Variants in PARD3B observed in about 807,000 individuals in gnomAD.
The protein encoded by PARD3B is partitioning defective 3 homolog B.
Under a neutral mutation model 130.2 loss-of-function variants are expected in PARD3B, and 103 were observed. The observed-to-expected ratio is 0.79, with a 90% CI of 0.67 to 0.93. The LOEUF (loss-of-function observed/expected upper bound fraction) is 0.93. Among genes scored for constraint, PARD3B ranks in the 40% least tolerant of loss-of-function variants. PARD3B has a pLI of 0.00. For missense variants in PARD3B, 1,609 were observed against 1,499.2 expected (o/e 1.07, Z -1.21); for synonymous variants, 583 against 553.2 (o/e 1.05, Z -0.76).
At chr2:204,960,379 A>T (rs1379848822) in intron 2 of PARD3B, among the ~76,000 whole-genome samples, 1 of 152,152 alleles carries the variant, frequency 6.6e-6, no homozygotes, top group Non-Finnish European at 1.5e-5. Context: ...GAAAGAGAAG[A>T]TAGATAATCT....
At chr2:205,355,543 C>CT (rs11400896) in intron 18 of PARD3B, among the ~76,000 whole-genome samples, 90,380 of 151,518 alleles carry the variant, frequency 0.6, 30,426 homozygotes, top group South Asian at 0.77. Flanking sequence ...TTCTGACTCT[C>CT]GCATGTTGCT....
chr2:205,168,035 G>A (rs938231400), intron 11 of PARD3B, among the ~76,000 whole-genome samples: 1 of 152,188 alleles, frequency 6.6e-6, no homozygotes, highest in African/African-American at 2.4e-5. Context: ...ACCATGCCAG[G>A]ACATGGAGAA....
intron 4 of PARD3B, among the ~76,000 whole-genome samples, chr2:205,094,833 T>C: frequency 6.6e-6 from 1 of 152,212 alleles, no homozygotes. Context: ...GAGCCAAATT[T>C]GATTGAGATG....
intron 4 of PARD3B, among the ~76,000 whole-genome samples, chr2:205,081,877 C>T (rs1701432523): frequency 1.3e-5 from 2 of 152,142 alleles, no homozygotes; most frequent in South Asian, 4.1e-4. Flanking sequence ...GCCTAGGTTT[C>T]ATGGTAATGC....
intron 1 of PARD3B, among the ~76,000 whole-genome samples, chr2:204,580,306 A>G (rs1187903101): frequency 5.3e-5 from 8 of 151,856 alleles, no homozygotes. Flanking sequence ...CTTTGCATCC[A>G]TGTTTTTTTT....
intron 2 of PARD3B, among the ~76,000 whole-genome samples, chr2:204,782,826 G>GTTTTAA (rs2041885935): frequency 6.6e-6 from 1 of 151,950 alleles, no homozygotes; most frequent in African/African-American, 2.4e-5. Flanking sequence ...CTAATGCAGT[G>GTTTTAA]TTTTAATTTT....
chr2:204,918,013 C>T (rs939117874), intron 2 of PARD3B, among the ~76,000 whole-genome samples: 3 of 152,068 alleles, frequency 2.0e-5, no homozygotes, highest in Non-Finnish European at 4.4e-5. Context: ...TTAAAGTTTA[C>T]AAAATTAAGA....
At chr2:204,553,799 A>C (rs2125046362) in intron 1 of PARD3B, among the ~76,000 whole-genome samples, 1 of 150,630 alleles carries the variant, frequency 6.6e-6, no homozygotes, top group African/African-American at 2.4e-5. Context: ...ACGGCAAGTG[A>C]AGTAACTCAG....
At chr2:204,557,339 A>G (rs2030994318) in intron 1 of PARD3B, among the ~76,000 whole-genome samples, 1 of 152,134 alleles carries the variant, frequency 6.6e-6, no homozygotes, top group African/African-American at 2.4e-5. Flanking sequence ...ACATGGCACC[A>G]TCATTCACTT....
intron 16 of PARD3B, chr2:205,293,741 T>C (rs1184915097): frequency 1.3e-5 from 2 of 152,212 alleles, no homozygotes; most frequent in African/African-American, 2.4e-5. Context: ...AGTGAAGCAA[T>C]TGTGGACTGT....
intron 2 of PARD3B, among the ~76,000 whole-genome samples, chr2:204,754,620 A>G (rs2040592262): frequency 6.6e-6 from 1 of 152,216 alleles, no homozygotes; most frequent in Non-Finnish European, 1.5e-5. Context: ...CACAGAAAAT[A>G]TTTAATGTTT....
At chr2:204,932,628 A>G (rs1288327382) in intron 2 of PARD3B, among the ~76,000 whole-genome samples, 1 of 152,216 alleles carries the variant, frequency 6.6e-6, no homozygotes, top group Non-Finnish European at 1.5e-5. Flanking sequence ...TTTGTCAAGA[A>G]AGAATGTGTT....
intron 15 of PARD3B, among the ~76,000 whole-genome samples, chr2:205,216,565 C>T (rs1473902034): frequency 1.3e-5 from 2 of 151,856 alleles, no homozygotes; most frequent in African/African-American, 4.8e-5. Flanking sequence ...AAGCAGAAGC[C>T]TGTTCATGGT....
chr2:204,729,328 T>A (rs1046648482), intron 2 of PARD3B, among the ~76,000 whole-genome samples: 18 of 152,140 alleles, frequency 1.2e-4, no homozygotes, highest in African/African-American at 4.3e-4. Context: ...ATAAAGACTT[T>A]AAGAGATTTT....
chr2:204,798,573 C>G (rs77973080), intron 2 of PARD3B, among the ~76,000 whole-genome samples: 2 of 152,136 alleles, frequency 1.3e-5, no homozygotes, highest in African/African-American at 2.4e-5. Flanking sequence ...GAAGGGAGCG[C>G]TTGCCATCAC....
Position 205,146,453 on chromosome 2 carries a change from T to C in PARD3B, c.1435-12269T>C, listed in dbSNP as rs1289693973. 6.6e-6 allele frequency among the ~76,000 whole-genome samples: 1 copy of C among 151,786 alleles called. No homozygotes were observed. Among genetic ancestry groups the C allele is most frequent in the Non-Finnish European group, 1.5e-5 (1 of 67,988 alleles). On this transcript the variant is annotated intron_variant, in intron 10 of 22. Coordinates refer to ENST00000406610, the MANE Select transcript of PARD3B (RefSeq NM_001302769.2). The surrounding 1 kb of genome is among the most constrained non-coding windows in gnomAD (Gnocchi z 4.3). ...TCATGAGGTCAGGAGATCGAGACCA[T>C]CCTGGCTAACACGGCAAAACCCCGT...
intron 2 of PARD3B, among the ~76,000 whole-genome samples, chr2:204,897,593 T>C (rs759676372): frequency 2.0e-5 from 3 of 152,128 alleles, no homozygotes; most frequent in African/African-American, 2.4e-5. Context: ...TTGTAACTTA[T>C]AAAACTGTGC....
At chr2:205,046,777 A>C (rs1386711421) in intron 3 of PARD3B, among the ~76,000 whole-genome samples, 3 of 152,222 alleles carry the variant, frequency 2.0e-5, no homozygotes, top group Non-Finnish European at 4.4e-5. Context: ...TTAAAACCAC[A>C]AGCAGATTTT....
chr2:204,919,952 A>G (rs923201293), intron 2 of PARD3B, among the ~76,000 whole-genome samples: 4 of 151,460 alleles, frequency 2.6e-5, no homozygotes, highest in Admixed American at 2.6e-4. Flanking sequence ...AAAGTCTTCC[A>G]TTTAGACAGA....
Sources: gnomAD v4.1 joint callset for allele counts (sites outside exome capture counted in the v4.1 genomes callset) on GRCh38, gnomAD v4.1.1 for gene constraint, Gnocchi (gnomAD v3.1) non-coding constraint, MANE v1.5 for transcripts, NCBI Gene and HGNC (gene_info 2026-07-23, HGNC 2026-07-21) for gene names.